RIMS1: variants seen among roughly 807,000 people sequenced by gnomAD.
The protein encoded by RIMS1 is regulating synaptic membrane exocytosis protein 1.
In RIMS1, 83 loss-of-function variants were observed where a neutral mutation model predicts 214.1. The ratio of observed to expected loss-of-function variants is 0.39; its 90% CI spans 0.32 to 0.47. The LOEUF (loss-of-function observed/expected upper bound fraction) is 0.47. Among genes scored for constraint, RIMS1 ranks in the 20% least tolerant of loss-of-function variants. RIMS1 has a pLI of 0.99. For missense variants in RIMS1, 2,050 were observed against 2,161.8 expected (o/e 0.95, Z 1.03); for synonymous variants, 793 against 786.8 (o/e 1.01, Z -0.13).
rs532042692 is a variant in RIMS1, at chr6:72,239,894, TTTTC to T, written c.1957+1974_1957+1977del. On this transcript the variant is annotated intron_variant, in intron 9 of 33. Coordinates refer to ENST00000521978, the MANE Select transcript of RIMS1 (RefSeq NM_014989.7). Reference sequence around the variant, plus strand: ...TGGTCAATGCCTCTTGTCTACCTAGTTTTCTACCACTCCTGTTGAAGGCCTTTCC... The same window carrying T: ...TGGTCAATGCCTCTTGTCTACCTAGTTACCACTCCTGTTGAAGGCCTTTCC... Among the ~76,000 whole-genome samples the T allele has an allele frequency of 1.4e-3, 216 of 151,438 alleles. 2 individuals carry two copies. Among genetic ancestry groups the T allele is most frequent in the African/African-American group, 4.7e-3 (196 of 41,366 alleles).
chr6:71,962,103 A>G (rs1024639289), intron 1 of RIMS1, among the ~76,000 whole-genome samples: 3 of 152,166 alleles, frequency 2.0e-5, no homozygotes, highest in Admixed American at 6.6e-5. Flanking sequence ...TTATAGAATC[A>G]AGCCTGTTTT....
chr6:72,398,644 A>G (rs1202091596), intron 32 of RIMS1, among the ~76,000 whole-genome samples: 1 of 152,164 alleles, frequency 6.6e-6, no homozygotes, highest in African/African-American at 2.4e-5. Context: ...GGCAAAAGAA[A>G]AAAAGAATAT....
chr6:72,220,893 T>G (rs1214126666), intron 6 of RIMS1, among the ~76,000 whole-genome samples: 2 of 152,038 alleles, frequency 1.3e-5, no homozygotes, highest in Non-Finnish European at 2.9e-5. Context: ...GTTATAGAGA[T>G]CTCTATGTAA....
chr6:72,211,594 G>A (rs1221961796), intron 6 of RIMS1, among the ~76,000 whole-genome samples: 2 of 151,966 alleles, frequency 1.3e-5, no homozygotes, highest in Non-Finnish European at 2.9e-5. Flanking sequence ...TCCTTAATAC[G>A]CTGGTGGTGT....
intron 6 of RIMS1, among the ~76,000 whole-genome samples, chr6:72,209,835 A>G (rs559265020): frequency 6.9e-6 from 1 of 145,658 alleles, no homozygotes; most frequent in Non-Finnish European, 1.5e-5. Context: ...CGGGAGGCGG[A>G]GCTTGCGGTG....
At chr6:72,317,125 G>A (rs2095848254) in intron 28 of RIMS1, 2 of 395,220 alleles carry the variant, frequency 5.1e-6, no homozygotes, top group Non-Finnish European at 9.7e-6. Context: ...TGAAGGAGCT[G>A]GGCTGCTCTG....
intron 29 of RIMS1, among the ~76,000 whole-genome samples, chr6:72,359,947 TAC>T (rs1413361221): frequency 6.6e-6 from 1 of 152,208 alleles, no homozygotes; most frequent in Non-Finnish European, 1.5e-5. Context: ...CTCTTTTAAC[TAC>T]AGAGACCTTA....
intron 6 of RIMS1, among the ~76,000 whole-genome samples, chr6:72,227,630 G>T (rs1197194578): frequency 6.6e-6 from 1 of 151,830 alleles, no homozygotes; most frequent in African/African-American, 2.4e-5. Context: ...CCCTTTCCTG[G>T]ACCAGCTACT....
chr6:72,300,619 G>A (rs558299695), intron 26 of RIMS1, among the ~76,000 whole-genome samples: 21 of 151,872 alleles, frequency 1.4e-4, no homozygotes, highest in Admixed American at 3.3e-4. Context: ...AATTGTATTT[G>A]AAGTGCATCT....
chr6:72,213,346 CA>C, intron 6 of RIMS1: 5 of 868,130 alleles, frequency 5.8e-6, no homozygotes, highest in Non-Finnish European at 8.4e-6. Context: ...GTCAGGTGCA[CA>C]GTGTTCTTAA....
intron 1 of RIMS1, among the ~76,000 whole-genome samples, chr6:71,955,336 T>G (rs1790920855): frequency 6.6e-6 from 1 of 151,958 alleles, no homozygotes; most frequent in Non-Finnish European, 1.5e-5. Context: ...CTGGCTAACT[T>G]TTGTATTTTT....
At chr6:72,157,861 A>G (rs1426534043) in intron 4 of RIMS1, among the ~76,000 whole-genome samples, 1 of 140,122 alleles carries the variant, frequency 7.1e-6, no homozygotes, top group Non-Finnish European at 1.6e-5. Context: ...TTAGCATTCT[A>G]TCTTTTCATT....
At chr6:72,390,027 T>C (rs1256708703) in intron 29 of RIMS1, among the ~76,000 whole-genome samples, 1 of 152,192 alleles carries the variant, frequency 6.6e-6, no homozygotes, top group East Asian at 1.9e-4. Context: ...AACTCCATAA[T>C]CTATATGGAG....
chr6:71,976,770 A>G (rs548213623), intron 2 of RIMS1, among the ~76,000 whole-genome samples: 87 of 152,210 alleles, frequency 5.7e-4, no homozygotes, highest in African/African-American at 1.9e-3. Flanking sequence ...GTTTTTATAT[A>G]TGATGTATGT....
At chr6:72,269,888 G>A (rs2082203492) in intron 22 of RIMS1, among the ~76,000 whole-genome samples, 1 of 151,978 alleles carries the variant, frequency 6.6e-6, no homozygotes. Flanking sequence ...AAAAATACAG[G>A]TTAAATACCA....
At chr6:71,923,275 A>G (rs940765322) in intron 1 of RIMS1, among the ~76,000 whole-genome samples, 1 of 152,246 alleles carries the variant, frequency 6.6e-6, no homozygotes, top group Non-Finnish European at 1.5e-5. Flanking sequence ...GGGCATTAAT[A>G]TTTAATAACA....
At chr6:72,193,610 G>C (rs969730039) in intron 6 of RIMS1, among the ~76,000 whole-genome samples, 3 of 152,164 alleles carry the variant, frequency 2.0e-5, no homozygotes, top group Non-Finnish European at 4.4e-5. Flanking sequence ...AACCAGCCAT[G>C]ATAATCTCCA....
chr6:72,180,036 T>C (rs1283970783), intron 5 of RIMS1, 121 bp downstream of exon 5: 5 of 626,022 alleles, frequency 8.0e-6, no homozygotes, highest in Non-Finnish European at 1.3e-5. Flanking sequence ...AGGCCCCACA[T>C]GGAAAAACAA....
chr6:72,262,225 A>T, intron 19 of RIMS1: 1 of 774,246 alleles, frequency 1.3e-6, no homozygotes, highest in Non-Finnish European at 1.6e-6. Flanking sequence ...ATATACTTAT[A>T]TAATATTATA....
Sources: allele counts gnomAD v4.1 joint callset (sites outside exome capture counted in the v4.1 genomes callset), GRCh38; gene constraint gnomAD v4.1.1; transcripts MANE v1.5; gene names NCBI Gene and HGNC (gene_info 2026-07-23, HGNC 2026-07-21).